Variants in MGAT4C observed in about 807,000 individuals in gnomAD.
MGAT4C encodes the protein alpha-1,3-mannosyl-glycoprotein 4-beta-N-acetylglucosaminyltransferase C.
In MGAT4C, 19 loss-of-function variants were observed where a neutral mutation model predicts 40.1. The observed-to-expected ratio is 0.47, with a 90% CI of 0.33 to 0.70. The LOEUF is 0.70. MGAT4C is among the 30% of genes least tolerant of loss of function. MGAT4C has a pLI of 0.02. For synonymous variants in MGAT4C, 181 were observed against 187.1 expected, an observed-to-expected ratio of 0.97 and a Z score of 0.27; for missense variants, 491 against 563.2, an observed-to-expected ratio of 0.87 and a Z score of 1.30.
intron 2 of MGAT4C, among the ~76,000 whole-genome samples, chr12:86,506,917 C>T (rs1247472165): frequency 6.6e-6 from 1 of 152,106 alleles, no homozygotes; most frequent in East Asian, 1.9e-4. Flanking sequence ...AAAGTTGTTT[C>T]AAGCTGGAAG....
rs552068219 is a variant in MGAT4C, at chr12:86,467,496, G to T, written c.-228-32231C>A. Among the ~76,000 whole-genome samples the T allele has an allele frequency of 3.1e-4, 47 of 152,192 alleles. 1 individual carries two copies. The highest frequency in any genetic ancestry group is 1.1e-3 in the African/African-American group (46 of 41,542). ...TTGGGCCTTTGTAATAGCATCCAGA[G>T]ACTATATTCTAATTATATACACACA... On this transcript the variant is annotated intron_variant, in intron 2 of 7. Transcript: ENST00000548651.
chr12:86,674,106 C>A, intron 2 of MGAT4C, among the ~76,000 whole-genome samples: 1 of 151,960 alleles, frequency 6.6e-6, no homozygotes, highest in South Asian at 2.1e-4. Context: ...ACCACAAAAC[C>A]AAAACTACAG....
intron 4 of MGAT4C, among the ~76,000 whole-genome samples, chr12:86,316,499 A>T (rs1395581828): frequency 1.3e-5 from 2 of 152,184 alleles, no homozygotes; most frequent in Non-Finnish European, 1.5e-5. Flanking sequence ...AATAAAGAAA[A>T]TGTGGTACAC....
chr12:86,399,568 A>G (rs1187229332), intron 3 of MGAT4C, among the ~76,000 whole-genome samples: 2 of 152,138 alleles, frequency 1.3e-5, no homozygotes. Flanking sequence ...GGTGTGAGCC[A>G]CCGTGCCCGG....
chr12:86,407,151 C>G lies in MGAT4C; in HGVS notation c.-120+28006G>C, dbSNP rs372557730. The stretch of plus-strand genomic sequence containing the variant: ...TTTATAAAGAATACAGATGAACAGC[C>G]AGGTGAAAAAGTACATAGGGTGAGA... On this transcript the variant is annotated intron_variant, in intron 3 of 7. Transcript: ENST00000548651. Among the ~76,000 whole-genome samples the G allele has an allele frequency of 1.1e-4, 16 of 152,096 alleles. No individual in the cohort carries two copies. In the East Asian group the frequency reaches 1.5e-3, roughly 15 times the overall value.
chr12:86,589,482 G>T (rs1462139027), intron 2 of MGAT4C, among the ~76,000 whole-genome samples: 1 of 151,752 alleles, frequency 6.6e-6, no homozygotes, highest in Non-Finnish European at 1.5e-5. Flanking sequence ...GTACAAGGAG[G>T]AACTGGTACC....
chr12:86,185,930 A>G (rs1021136605), intron 1 of MGAT4C, among the ~76,000 whole-genome samples: 1 of 152,022 alleles, frequency 6.6e-6, no homozygotes, highest in African/African-American at 2.4e-5. Context: ...CCACCCCAGA[A>G]AAAAAAATGG....
chr12:86,589,151 G>A (rs923252879), intron 2 of MGAT4C, among the ~76,000 whole-genome samples: 13 of 151,864 alleles, frequency 8.6e-5, no homozygotes, highest in East Asian at 3.9e-4. Flanking sequence ...TTGATAGACC[G>A]CTGGCAAGAC....
chr12:86,199,743 CTAAA>C (rs1949966939), intron 1 of MGAT4C, among the ~76,000 whole-genome samples: 1 of 152,034 alleles, frequency 6.6e-6, no homozygotes, highest in African/African-American at 2.4e-5. Flanking sequence ...ATATTAATCT[CTAAA>C]TAAATGTAAC....
chr12:86,829,584 A>G (rs1952878211), intron 1 of MGAT4C, among the ~76,000 whole-genome samples: 1 of 151,508 alleles, frequency 6.6e-6, no homozygotes, highest in African/African-American at 2.4e-5. Flanking sequence ...ATTTCAAACA[A>G]AAAAAATCAA....
chr12:86,258,594 C>T (rs748972385), upstream of MGAT4C, among the ~76,000 whole-genome samples: 7 of 152,012 alleles, frequency 4.6e-5, no homozygotes, highest in Non-Finnish European at 8.8e-5. Flanking sequence ...CAATAACCCA[C>T]ATCCTACACA....
chr12:86,624,034 T>C (rs978231915), intron 2 of MGAT4C, among the ~76,000 whole-genome samples: 6 of 152,134 alleles, frequency 3.9e-5, no homozygotes, highest in Admixed American at 3.9e-4. Flanking sequence ...AAATGTCCCA[T>C]TTATGACTTC....
intron 2 of MGAT4C, among the ~76,000 whole-genome samples, chr12:86,606,318 A>G (rs1404957862): frequency 2.0e-5 from 3 of 152,156 alleles, no homozygotes; most frequent in Non-Finnish European, 4.4e-5. Flanking sequence ...CCTATTTCAT[A>G]TATTTCTATA....
intron 3 of MGAT4C, among the ~76,000 whole-genome samples, chr12:86,357,877 A>G (rs530659380): frequency 1.3e-5 from 2 of 152,342 alleles, no homozygotes; most frequent in East Asian, 3.9e-4. Context: ...AGTGATGGGG[A>G]GAATGGAACC....
At chr12:86,738,429 T>A (rs1465233119) in intron 1 of MGAT4C, among the ~76,000 whole-genome samples, 3 of 151,430 alleles carry the variant, frequency 2.0e-5, no homozygotes, top group Non-Finnish European at 4.4e-5. Context: ...TTGGTTAATT[T>A]GTTTTCCTTC....
intron 2 of MGAT4C, among the ~76,000 whole-genome samples, chr12:86,705,798 T>C (rs12371750): frequency 0.083 from 12,526 of 150,784 alleles, 538 homozygotes; most frequent in African/African-American, 0.11. Context: ...GGATCGGGAG[T>C]TTTTAAGATC....
chr12:85,964,854 ATCTGTGGGCTAATG>A lies in MGAT4C; in HGVS notation c.*14421_*14434del, dbSNP rs955438661. Reference sequence around the variant, plus strand: ...TTCTCCATCCCAAAATATATGTCCCATCTGTGGGCTAATGTCTGAAAGTCCTATGATTAAACTCA... The same window carrying A: ...TTCTCCATCCCAAAATATATGTCCCATCTGAAAGTCCTATGATTAAACTCA... On this transcript the variant is annotated 3_prime_UTR_variant, in exon 5 of 5. Coordinates refer to ENST00000611864, the MANE Select transcript of MGAT4C (RefSeq NM_001351288.2). 6.3e-4 allele frequency: 96 copies of A among 152,252 alleles called. No individual in the cohort carries two copies. Among genetic ancestry groups the A allele is most frequent in the African/African-American group, 2.1e-3 (86 of 41,546 alleles). The allele number at this position is 152,252 out of a possible 1,614,324, so 9.4% of individuals were successfully genotyped here. A position where few individuals can be genotyped will look rare whatever the true frequency, so the allele number is the denominator to read the frequency against.
chr12:86,382,209 G>A (rs549987079), intron 3 of MGAT4C, among the ~76,000 whole-genome samples: 27 of 152,344 alleles, frequency 1.8e-4, no homozygotes, highest in Admixed American at 1.6e-3. Context: ...CCAGGCTGAA[G>A]TGGTCTCAGA....
At chr12:86,508,985 G>A (rs185829750) in intron 2 of MGAT4C, among the ~76,000 whole-genome samples, 12 of 151,868 alleles carry the variant, frequency 7.9e-5, no homozygotes, top group East Asian at 3.9e-4. Context: ...GTTAGGTTGC[G>A]AAAATTTTCT....
Sources: gnomAD v4.1 joint callset for allele counts (sites outside exome capture counted in the v4.1 genomes callset) on GRCh38, gnomAD v4.1.1 for gene constraint, MANE v1.5 for transcripts, NCBI Gene and HGNC (gene_info 2026-07-23, HGNC 2026-07-21) for gene names.